The following NHS variants were observed in gnomAD, a reference collection of about 807,000 sequenced individuals.
NHS encodes the protein actin remodeling regulator NHS.
NHS carries 5 observed loss-of-function variants against 72.5 expected under a neutral mutation model. That is an observed-to-expected ratio of 0.07 (90% CI 0.04 to 0.14). The LOEUF is 0.14. Ranked by LOEUF, NHS falls within the 10% of genes least tolerant of loss-of-function variation. The pLI, the probability that NHS is intolerant of heterozygous loss-of-function variation, is 1.00. For missense variants in NHS, 1,072 were observed against 1,355.7 expected, an observed-to-expected ratio of 0.79 and a Z score of 3.29; for synonymous variants, 464 against 547.7, an observed-to-expected ratio of 0.85 and a Z score of 2.13.
At chrX:17,656,809 A>G (rs1460696433) in intron 1 of NHS, among the ~76,000 whole-genome samples, 1 of 111,372 alleles carries the variant, frequency 9.0e-6, no homozygotes, top group East Asian at 2.9e-4. Flanking sequence ...GGGAATGAGG[A>G]TTCGACGGCT....
At chrX:17,392,565 T>G (rs1441463649) in intron 1 of NHS, among the ~76,000 whole-genome samples, 1 of 112,215 alleles carries the variant, frequency 8.9e-6, no homozygotes, top group Non-Finnish European at 1.9e-5. Flanking sequence ...TGTAACAGCT[T>G]TCCTTGAGTA....
At chrX:17,598,477 A>G (rs1315601843) in intron 1 of NHS, among the ~76,000 whole-genome samples, 1 of 112,449 alleles carries the variant, frequency 8.9e-6, no homozygotes, top group Non-Finnish European at 1.9e-5. Flanking sequence ...CTTTTATTTA[A>G]AAAACACTTA....
At chrX:17,500,376 T>C (rs1233839100) in intron 1 of NHS, among the ~76,000 whole-genome samples, 1 of 112,108 alleles carries the variant, frequency 8.9e-6, no homozygotes. Flanking sequence ...TTGAAGTGAA[T>C]GTTTGTTAGG....
chrX:17,625,125 TTCTA>T (rs901910902), intron 1 of NHS, among the ~76,000 whole-genome samples: 3 of 111,169 alleles, frequency 2.7e-5, no homozygotes, highest in African/African-American at 9.8e-5. Context: ...GAGGAGAAAA[TTCTA>T]TATTTTTCAA....
chrX:17,538,321 G>C (rs760184636), intron 1 of NHS, among the ~76,000 whole-genome samples: 3 of 111,693 alleles, frequency 2.7e-5, no homozygotes, highest in Non-Finnish European at 5.6e-5. Context: ...ATGAGGAATG[G>C]AGCAAATGCT....
chrX:17,560,592 A>G (rs1569281683), intron 1 of NHS, among the ~76,000 whole-genome samples: 1 of 112,006 alleles, frequency 8.9e-6, no homozygotes, highest in Admixed American at 9.4e-5. Context: ...TCGGGATGGT[A>G]TGAATATTCT....
chrX:17,703,349 G>T (rs2066277627), intron 3 of NHS, among the ~76,000 whole-genome samples: 2 of 111,757 alleles, frequency 1.8e-5, no homozygotes, highest in South Asian at 7.5e-4. Context: ...CTTAAGCAAG[G>T]AAGCAAGCAA....
At chrX:17,537,558 G>T (rs1264772703) in intron 1 of NHS, among the ~76,000 whole-genome samples, 1 of 112,473 alleles carries the variant, frequency 8.9e-6, no homozygotes, top group Non-Finnish European at 1.9e-5. Flanking sequence ...AAAGGACAAA[G>T]TTGAACTTCA....
chrX:17,635,403 G>A (rs1276634089), intron 1 of NHS: 28 of 1,157,948 alleles, frequency 2.4e-5, no homozygotes, highest in Non-Finnish European at 2.8e-5. Flanking sequence ...GAGGTTCTGT[G>A]AAAATCTGCC....
At chrX:17,583,481 C>T (rs2065555253) in intron 1 of NHS, among the ~76,000 whole-genome samples, 1 of 112,388 alleles carries the variant, frequency 8.9e-6, no homozygotes, top group Non-Finnish European at 1.9e-5. Flanking sequence ...AGGGAATGAT[C>T]TGGAGTAGTT....
intron 1 of NHS, among the ~76,000 whole-genome samples, chrX:17,492,995 C>A (rs1459841709): frequency 2.7e-5 from 3 of 112,216 alleles, no homozygotes; most frequent in African/African-American, 9.7e-5. Flanking sequence ...TCTTGGAGGG[C>A]AGATATTATG....
intron 1 of NHS, among the ~76,000 whole-genome samples, chrX:17,572,491 CTTTTTTTT>C (rs760577193): frequency 1.3e-4 from 6 of 46,765 alleles, no homozygotes; most frequent in African/African-American, 5.2e-4. Flanking sequence ...GCAACCCCTG[CTTTTTTTT>C]TTTTTTTTTT....
At chrX:17,497,464 A>G (rs907162167) in intron 1 of NHS, among the ~76,000 whole-genome samples, 1 of 111,391 alleles carries the variant, frequency 9.0e-6, no homozygotes, top group African/African-American at 3.3e-5. Flanking sequence ...TCATGTATCA[A>G]CCATTCAGTT....
At chrX:17,487,036 A>G (rs1027432610) in intron 1 of NHS, among the ~76,000 whole-genome samples, 17 of 111,762 alleles carry the variant, frequency 1.5e-4, no homozygotes, top group Non-Finnish European at 1.9e-5. Flanking sequence ...TCCAGCCCCA[A>G]TGCCTACTCT....
At chrX:17,595,571 C>T (rs1010819660) in intron 1 of NHS, among the ~76,000 whole-genome samples, 13 of 111,683 alleles carry the variant, frequency 1.2e-4, no homozygotes, top group African/African-American at 3.9e-4. Context: ...TTTCTTTGGG[C>T]GCAGAACAAT....
chrX:17,665,130 C>T (rs2066003765), intron 1 of NHS, among the ~76,000 whole-genome samples: 1 of 108,554 alleles, frequency 9.2e-6, no homozygotes, highest in Admixed American at 9.9e-5. Context: ...TTTCTAAATT[C>T]ACTCTTTAGT....
intron 1 of NHS, among the ~76,000 whole-genome samples, chrX:17,614,433 C>A (rs773975564): frequency 9.7e-6 from 1 of 103,238 alleles, no homozygotes; most frequent in Admixed American, 1.1e-4. Context: ...CTCCTTGCAA[C>A]GGTGGTGGGG....
chrX:17,484,024 G>A (rs1323780567), intron 1 of NHS, among the ~76,000 whole-genome samples: 2 of 112,098 alleles, frequency 1.8e-5, no homozygotes, highest in Admixed American at 1.9e-4. Flanking sequence ...TTCCATTGGT[G>A]TGCCAGAGCT....
At chrX:17,458,588 G>A (rs2064834520) in intron 1 of NHS, among the ~76,000 whole-genome samples, 1 of 110,758 alleles carries the variant, frequency 9.0e-6, no homozygotes, top group African/African-American at 3.3e-5. Flanking sequence ...TGCCTCCCGG[G>A]TTCAAGCAAT....
Sources: allele counts gnomAD v4.1 joint callset (sites outside exome capture counted in the v4.1 genomes callset), GRCh38; gene constraint gnomAD v4.1.1; transcripts MANE v1.5; gene names NCBI Gene and HGNC (gene_info 2026-07-23, HGNC 2026-07-21).